FRMD4B: variants seen among roughly 807,000 people sequenced by gnomAD.
FRMD4B encodes FERM domain-containing protein 4B.
A neutral mutation model predicts 141.5 loss-of-function variants in FRMD4B; 74 were observed. The ratio of observed to expected loss-of-function variants is 0.52; its 90% confidence interval spans 0.43 to 0.63. FRMD4B has a LOEUF of 0.63. Among genes scored for constraint, FRMD4B ranks in the 30% least tolerant of loss-of-function variants. The pLI, the probability that FRMD4B is intolerant of heterozygous loss-of-function variation, is 0.00. For missense variants in FRMD4B, 1,366 were observed against 1,253.4 expected, an observed-to-expected ratio of 1.09 and a Z score of -1.36; for synonymous variants, 506 against 467.9, an observed-to-expected ratio of 1.08 and a Z score of -1.05.
At chr3:69,417,883 G>A (rs1256356280) in intron 2 of FRMD4B, among the ~76,000 whole-genome samples, 1 of 152,134 alleles carries the variant, frequency 6.6e-6, no homozygotes, top group Non-Finnish European at 1.5e-5. Context: ...AGCTCTTAGT[G>A]GCTGCCAGTA....
Position 69,408,667 on chromosome 3 carries a change from T to TG in FRMD4B, c.-1+23966dup, listed in dbSNP as rs573297135. On this transcript the variant is annotated intron_variant, in intron 2 of 5. Coordinates refer to the FRMD4B transcript ENST00000459638. ...GGCAGGCAGGGCTTGGTAGGGGGAG[T>TG]GGGGGGTGGACAATAAACAAGGGCA... Among the ~76,000 whole-genome samples, 962 of 149,246 alleles carry TG rather than the reference T, an allele frequency of 6.4e-3. 4 individuals are homozygous for TG. The highest frequency in any genetic ancestry group is 9.4e-3 in the Non-Finnish European group (633 of 67,424).
At chr3:69,432,544 T>C (rs1705197960) in intron 2 of FRMD4B, 1 of 151,952 alleles carries the variant, frequency 6.6e-6, no homozygotes, top group Admixed American at 6.6e-5. Flanking sequence ...GACAAGTCAA[T>C]GTGTACTCAC....
At chr3:69,435,044 C>T (rs925994619) in intron 1 of FRMD4B, among the ~76,000 whole-genome samples, 8 of 152,126 alleles carry the variant, frequency 5.3e-5, no homozygotes, top group African/African-American at 9.7e-5. Context: ...TATAAAGACA[C>T]CAGTCACATT....
intron 5 of FRMD4B, among the ~76,000 whole-genome samples, chr3:69,259,628 C>T (rs920167842): frequency 1.3e-5 from 2 of 152,206 alleles, no homozygotes; most frequent in African/African-American, 4.8e-5. Flanking sequence ...CATTTAATCA[C>T]TGTTCATTAC....
chr3:69,269,222 C>A (rs1394005678), intron 5 of FRMD4B, among the ~76,000 whole-genome samples: 1 of 151,748 alleles, frequency 6.6e-6, no homozygotes, highest in Non-Finnish European at 1.5e-5. Context: ...AGCCACTGTG[C>A]CTGGCAGATG....
intron 2 of FRMD4B, among the ~76,000 whole-genome samples, chr3:69,428,128 A>G (rs183850567): frequency 2.0e-5 from 3 of 152,086 alleles, no homozygotes; most frequent in East Asian, 4.0e-4. Context: ...CATAGTTTAT[A>G]GATGACTCTT....
upstream of FRMD4B, among the ~76,000 whole-genome samples, chr3:69,389,313 G>A (rs1704333897): frequency 6.6e-6 from 1 of 152,138 alleles, no homozygotes; most frequent in Admixed American, 6.5e-5. Context: ...TTACAGGCGT[G>A]AGCCACTGTG....
intron 10 of FRMD4B, 65 bp from the exon 11 acceptor site, chr3:69,216,414 T>G (rs2093141612): frequency 3.8e-6 from 3 of 785,698 alleles, no homozygotes; most frequent in Admixed American, 5.3e-5. Flanking sequence ...TGAATAAAAT[T>G]TACCAATTTC....
At chr3:69,478,661 C>T (rs139006673) in intron 1 of FRMD4B, among the ~76,000 whole-genome samples, 1 of 152,042 alleles carries the variant, frequency 6.6e-6, no homozygotes, top group African/African-American at 2.4e-5. Flanking sequence ...TGGTGTGGTG[C>T]TGAAAAAAGT....
chr3:69,339,879 C>T (rs1274636086), intron 1 of FRMD4B, among the ~76,000 whole-genome samples: 1 of 152,088 alleles, frequency 6.6e-6, no homozygotes, highest in Non-Finnish European at 1.5e-5. Flanking sequence ...CTTGACAGGG[C>T]AGTTTAGCTT....
chr3:69,247,886 T>C (rs766996469), intron 7 of FRMD4B, among the ~76,000 whole-genome samples: 12 of 152,212 alleles, frequency 7.9e-5, no homozygotes, highest in Admixed American at 1.3e-4. Context: ...CCTGACCTTG[T>C]GATCTGCCCG....
chr3:69,377,287 T>C (rs1244117310), intron 1 of FRMD4B, among the ~76,000 whole-genome samples: 1 of 152,220 alleles, frequency 6.6e-6, no homozygotes, highest in Admixed American at 6.5e-5. Context: ...CTGTATGTGT[T>C]AATCACTACT....
chr3:69,472,208 T>A (rs1705904527), intron 1 of FRMD4B: 1 of 300,720 alleles, frequency 3.3e-6, no homozygotes, highest in Admixed American at 3.6e-5. Flanking sequence ...TTTACAGAGC[T>A]GAAGATCTTG....
At chr3:69,536,463 G>C (rs1480049357) in intron 1 of FRMD4B, 1 of 703,528 alleles carries the variant, frequency 1.4e-6, no homozygotes, top group Non-Finnish European at 2.6e-6. Flanking sequence ...GCAGGATGTA[G>C]AGCTTGACGG....
intron 7 of FRMD4B, among the ~76,000 whole-genome samples, chr3:69,228,091 T>C (rs2093271442): frequency 6.6e-6 from 1 of 152,256 alleles, no homozygotes; most frequent in Admixed American, 6.5e-5. Context: ...TTTGAAAGCA[T>C]TTTTGATAGT....
intron 2 of FRMD4B, among the ~76,000 whole-genome samples, chr3:69,413,067 T>C (rs902838185): frequency 6.6e-6 from 1 of 152,064 alleles, no homozygotes; most frequent in Non-Finnish European, 1.5e-5. Flanking sequence ...TCTATGATAA[T>C]GGTTCATTGC....
At chr3:69,335,496 C>T (rs1330777660) in intron 1 of FRMD4B, among the ~76,000 whole-genome samples, 3 of 151,630 alleles carry the variant, frequency 2.0e-5, no homozygotes, top group Non-Finnish European at 2.9e-5. Flanking sequence ...TTCAGCCTCC[C>T]GAGTAGCTGG....
At chr3:69,378,439 A>G (rs1704030539) in intron 1 of FRMD4B, among the ~76,000 whole-genome samples, 1 of 152,232 alleles carries the variant, frequency 6.6e-6, no homozygotes, top group Admixed American at 6.5e-5. Flanking sequence ...CCTGAATGAC[A>G]GTAATCAACC....
rs548427438 is a variant in FRMD4B at position 69,369,137 on chromosome 3, G to A, written c.162+16691C>T. 1.1e-4 allele frequency among the ~76,000 whole-genome samples: 17 copies of A among 152,254 alleles called. No individual in the cohort carries two copies. In the South Asian group the frequency reaches 3.5e-3, roughly 32 times the overall value. The stretch of plus-strand genomic sequence containing the variant: ...CTATAAGTTTAAAAGTAATGCTGAA[G>A]GTTGGTGGAAAAAAAGCGAAAGCTA... On this transcript the variant is annotated intron_variant, in intron 1 of 22. Transcript: ENST00000398540.
Sources: allele counts gnomAD v4.1 joint callset (sites outside exome capture counted in the v4.1 genomes callset), GRCh38; gene constraint gnomAD v4.1.1; transcripts MANE v1.5; gene names NCBI Gene and HGNC (gene_info 2026-07-23, HGNC 2026-07-21).